The following ABL2 variants were observed in gnomAD, a reference collection of about 807,000 sequenced individuals.
The protein encoded by ABL2 is ABL proto-oncogene 2, non-receptor tyrosine kinase.
ABL2 carries 49 observed loss-of-function variants against 107.7 expected under a neutral mutation model. The observed-to-expected ratio is 0.45, with a 90% CI of 0.36 to 0.58. The LOEUF is 0.58. ABL2 is among the 20% of genes least tolerant of loss of function. The pLI, the probability that ABL2 is intolerant of heterozygous loss-of-function variation, is 0.00. For missense variants in ABL2, 1,245 were observed against 1,457.0 expected (o/e 0.85, Z 2.37); for synonymous variants, 549 against 548.6 (o/e 1.00, Z -0.01).
intron 1 of ABL2, chr1:179,184,578 G>C: frequency 1.8e-6 from 1 of 557,310 alleles, no homozygotes; most frequent in Non-Finnish European, 3.3e-6. Context: ...AAGATGAGGA[G>C]GAGGAGGAGG....
At chr1:179,133,848 A>G (rs187588934) in intron 1 of ABL2, among the ~76,000 whole-genome samples, 5 of 152,372 alleles carry the variant, frequency 3.3e-5, no homozygotes, top group Admixed American at 6.5e-5. Context: ...ATGAACAATT[A>G]TAACAATATA....
At chr1:179,111,505 C>A (rs934726574) in intron 10 of ABL2, among the ~76,000 whole-genome samples, 23 of 151,844 alleles carry the variant, frequency 1.5e-4, no homozygotes, top group African/African-American at 5.6e-4. Context: ...ACGCTAGTCT[C>A]CAACTGCTGA....
intron 3 of ABL2, among the ~76,000 whole-genome samples, chr1:179,127,958 C>G (rs113975792): frequency 0.022 from 3,345 of 151,326 alleles, 67 homozygotes; most frequent in Middle Eastern, 0.055. Flanking sequence ...TTGCTTGAAC[C>G]CGGGAGGCTG....
chr1:179,110,984 T>A, intron 10 of ABL2: 1 of 542,636 alleles, frequency 1.8e-6, no homozygotes, highest in Non-Finnish European at 2.5e-6. Context: ...TTTTGGCTTT[T>A]TTTTTTTTTT....
intron 4 of ABL2, among the ~76,000 whole-genome samples, chr1:179,125,430 TATAC>T (rs1655641532): frequency 6.6e-6 from 1 of 152,212 alleles, no homozygotes; most frequent in Non-Finnish European, 1.5e-5. Context: ...TGAACATTCC[TATAC>T]ATGTCTTCTG....
rs371929202 is a variant in ABL2 at position 179,195,292 on chromosome 1, A to G, written c.157+33949T>C. 1.3e-5 allele frequency among the ~76,000 whole-genome samples: 2 copies of G among 152,294 alleles called. 1 individual carries two copies. Among genetic ancestry groups the G allele is most frequent in the East Asian group, 3.9e-4 (2 of 5,186 alleles). ...AACACAGTAAAACTCTGTCTCAAAA[A>G]AAACAAAAAACAAAAAAACAGTGAG... On this transcript the variant is annotated intron_variant, in intron 1 of 11. Coordinates refer to ENST00000502732, the MANE Select transcript of ABL2 (RefSeq NM_007314.4).
chr1:179,109,461 C>G lies in ABL2; in HGVS notation c.1826-20G>C. On this transcript the variant is annotated intron_variant, in intron 11 of 11. Transcript: ENST00000502732. ...TGAACCCTGATGAGAAATGGCCGAT[C>G]AGTAACTTAAAAGACAAGAAGTGAA... 1.9e-6 allele frequency: 3 copies of G among 1,585,768 alleles called. No homozygotes were observed. Among genetic ancestry groups the G allele is most frequent in the Non-Finnish European group, 2.6e-6 (3 of 1,169,242 alleles).
At chr1:179,129,382 C>A in intron 3 of ABL2, among the ~76,000 whole-genome samples, 1 of 152,190 alleles carries the variant, frequency 6.6e-6, no homozygotes, top group East Asian at 1.9e-4. Flanking sequence ...AAAGAGACTA[C>A]TACACAATAT....
At chr1:179,115,181 C>T (rs1479474430) in intron 8 of ABL2, 151 bp from the exon 9 acceptor site, 18 of 628,946 alleles carry the variant, frequency 2.9e-5, no homozygotes, top group Admixed American at 4.2e-5. Flanking sequence ...ATTCTTACAG[C>T]ATGATTTGTC....
intron 8 of ABL2, 131 bp downstream of exon 8, chr1:179,117,201 G>T: frequency 3.2e-6 from 3 of 951,744 alleles, no homozygotes; most frequent in Non-Finnish European, 4.8e-6. Context: ...ACAAATGCTT[G>T]CTGAATAACT....
At chr1:179,186,952 G>T (rs1660711950) in intron 1 of ABL2, among the ~76,000 whole-genome samples, 1 of 152,112 alleles carries the variant, frequency 6.6e-6, no homozygotes. Context: ...GGCCAGGCTG[G>T]TCTCGAACTC....
chr1:179,117,259 A>G, intron 8 of ABL2, 73 bp downstream of exon 8: 1 of 1,432,530 alleles, frequency 7.0e-7, no homozygotes, highest in Non-Finnish European at 9.7e-7. Flanking sequence ...ATCGTAAGAG[A>G]AGCTCTAAAG....
intron 1 of ABL2, among the ~76,000 whole-genome samples, chr1:179,148,772 T>A (rs1411680053): frequency 6.6e-6 from 1 of 151,802 alleles, no homozygotes; most frequent in African/African-American, 2.4e-5. Flanking sequence ...TGGTGGTGCA[T>A]ACCTGTAATC....
chr1:179,226,445 A>C (rs897172982), intron 1 of ABL2, among the ~76,000 whole-genome samples: 2 of 151,116 alleles, frequency 1.3e-5, no homozygotes, highest in Non-Finnish European at 2.9e-5. Flanking sequence ...AGTAGCTAGG[A>C]CTACAGGCGC....
chr1:179,151,067 A>AAG (rs1658327842), intron 1 of ABL2, among the ~76,000 whole-genome samples: 1 of 152,244 alleles, frequency 6.6e-6, no homozygotes, highest in African/African-American at 2.4e-5. Context: ...ACCACAGTAT[A>AAG]GCATGAACAC....
intron 1 of ABL2, among the ~76,000 whole-genome samples, chr1:179,140,658 G>T (rs186756695): frequency 6.6e-6 from 1 of 152,168 alleles, no homozygotes; most frequent in Non-Finnish European, 1.5e-5. Context: ...ACTCACAGAG[G>T]ATGCTATGAG....
rs202244816 is a variant in ABL2, at chr1:179,108,082, G to A, written c.3185C>T (p.Thr1062Ile). The stretch of plus-strand genomic sequence containing the variant: ...TCTCAGAGCCACTTTAGTACCTGCT[G>A]TGCCATTGGCCATTTTGGCTGGCGA... ...SISPAKMANG[T>I]AGTKVALRKT... The change falls in exon 12 of 12, where the codon ACA (threonine) becomes ATA (isoleucine). Residue 1062 changes from threonine (T) to isoleucine (I), a missense_variant. Thr to Ile is a moderately conservative substitution (Grantham distance 89). Coordinates refer to ENST00000502732, the MANE Select transcript of ABL2 (RefSeq NM_007314.4). The A allele has an allele frequency of 1.9e-6, 3 of 1,614,250 alleles. No homozygotes were observed. Among genetic ancestry groups the A allele is most frequent in the Middle Eastern group, 1.6e-4 (1 of 6,062 alleles).
Position 179,108,694 on chromosome 1 carries a change from G to A in ABL2, c.2573C>T (p.Thr858Ile), listed in dbSNP as rs754809407. The change falls in exon 12 of 12, where the codon ACA (threonine) becomes ATA (isoleucine). Residue 858 changes from threonine (T) to isoleucine (I), a missense_variant. By Grantham distance (89) the Thr-to-Ile change is moderately conservative. Coordinates refer to ENST00000502732, the MANE Select transcript of ABL2 (RefSeq NM_007314.4). ...AGAGGGTGTTCTGAGAGGAAGAGCT[G>A]TGGCTCCTCTGGGCAATAACTTGGC... ...PKAKLLPRGA[T>I]ALPLRTPSGD... 20 of 1,614,098 alleles carry A rather than the reference G, an allele frequency of 1.2e-5. No homozygotes were observed. The Admixed American group carries it at 2.7e-4, about 22-fold the overall frequency.
chr1:179,125,156 C>G (rs1655619127), intron 4 of ABL2, among the ~76,000 whole-genome samples: 1 of 152,140 alleles, frequency 6.6e-6, no homozygotes, highest in Non-Finnish European at 1.5e-5. Context: ...GTGAACTACT[C>G]AGCACTGCCT....
Sources: allele counts gnomAD v4.1 joint callset (sites outside exome capture counted in the v4.1 genomes callset), GRCh38; gene constraint gnomAD v4.1.1; transcripts MANE v1.5; gene names NCBI Gene and HGNC (gene_info 2026-07-23, HGNC 2026-07-21).